GSE1: variants seen among roughly 807,000 people sequenced by gnomAD.
The protein encoded by GSE1 is genetic suppressor element 1.
A neutral mutation model predicts 112.6 loss-of-function variants in GSE1; 32 were observed. That is an observed-to-expected ratio of 0.28 (90% CI 0.21 to 0.38). The LOEUF is 0.38. Among genes scored for constraint, GSE1 ranks in the 10% least tolerant of loss-of-function variants. The probability of loss-of-function intolerance (pLI) is 1.00; values close to 1 mark genes in which losing one functional copy is unlikely to be tolerated. For missense variants in GSE1, 2,348 were observed against 1,699.2 expected (o/e 1.38, Z -6.71); for synonymous variants, 1,115 against 735.6 (o/e 1.52, Z -8.35).
chr16:85,297,008 T>C (rs558348826), intron 1 of GSE1, among the ~76,000 whole-genome samples: 28 of 152,260 alleles, frequency 1.8e-4, no homozygotes, highest in South Asian at 8.3e-4. Flanking sequence ...GGGTGTGGAC[T>C]GCATCTTTAT....
chr16:85,492,114 G>C (rs1446427728), intron 2 of GSE1, among the ~76,000 whole-genome samples: 1 of 152,216 alleles, frequency 6.6e-6, no homozygotes, highest in African/African-American at 2.4e-5. Context: ...GCGGGTGCCA[G>C]ACAGGCTTGG....
At chr16:85,626,932 T>C (rs922922337) in intron 1 of GSE1, among the ~76,000 whole-genome samples, 2 of 151,486 alleles carry the variant, frequency 1.3e-5, no homozygotes, top group Admixed American at 6.6e-5. Context: ...GCAGACCGGT[T>C]TGGGGTCTGT....
chr16:85,657,715 C>G (rs2052087769), intron 8 of GSE1, 111 bp downstream of exon 8: 1 of 691,488 alleles, frequency 1.4e-6, no homozygotes, highest in Non-Finnish European at 2.3e-6. Flanking sequence ...TTTCTGCCTG[C>G]CTCTTTCATT....
At chr16:85,230,385 C>T (rs1484565993) in intron 1 of GSE1, among the ~76,000 whole-genome samples, 4 of 152,066 alleles carry the variant, frequency 2.6e-5, no homozygotes, top group Non-Finnish European at 5.9e-5. Context: ...TTTGTGTTAC[C>T]CACGCCCCTT....
At chr16:85,375,610 G>T (rs967839359) in intron 2 of GSE1, among the ~76,000 whole-genome samples, 3 of 152,136 alleles carry the variant, frequency 2.0e-5, no homozygotes, top group Non-Finnish European at 2.9e-5. Flanking sequence ...AGGTATAGGG[G>T]AAGCTGGGGT....
At chr16:85,375,036 G>T (rs1369868001) in intron 2 of GSE1, among the ~76,000 whole-genome samples, 1 of 152,202 alleles carries the variant, frequency 6.6e-6, no homozygotes, top group East Asian at 1.9e-4. Flanking sequence ...ACTCGCTGCT[G>T]TGTGACCTGG....
At chr16:85,217,383 A>G (rs1354568865) in intron 1 of GSE1, among the ~76,000 whole-genome samples, 1 of 152,120 alleles carries the variant, frequency 6.6e-6, no homozygotes, top group Non-Finnish European at 1.5e-5. Context: ...AGAAGCCGCC[A>G]CGCCTGGGAC....
At chr16:85,176,877 TC>T (rs1367534723) in intron 1 of GSE1, among the ~76,000 whole-genome samples, 1 of 152,238 alleles carries the variant, frequency 6.6e-6, no homozygotes, top group African/African-American at 2.4e-5. Flanking sequence ...CCCACGCAGT[TC>T]CCTGCTCCTC....
chr16:85,476,161 A>C (rs2050448321), intron 2 of GSE1, among the ~76,000 whole-genome samples: 1 of 152,170 alleles, frequency 6.6e-6, no homozygotes, highest in Non-Finnish European at 1.5e-5. Flanking sequence ...CGAACTGCTG[A>C]GCTCAAGTGA....
chr16:85,264,241 G>A (rs76500090), intron 1 of GSE1, among the ~76,000 whole-genome samples: 2,978 of 152,174 alleles, frequency 0.02, 101 homozygotes, highest in African/African-American at 0.068. Context: ...TGACCCGTGG[G>A]GTGGAATATC....
intron 2 of GSE1, among the ~76,000 whole-genome samples, chr16:85,386,068 G>T (rs1021356677): frequency 2.0e-5 from 3 of 152,176 alleles, no homozygotes; most frequent in African/African-American, 7.2e-5. Context: ...CGGCGCTTCT[G>T]GTCAAGGCCT....
chr16:85,331,680 TG>T (rs2046369449), intron 1 of GSE1, among the ~76,000 whole-genome samples: 1 of 37,026 alleles, frequency 2.7e-5, no homozygotes, highest in African/African-American at 1.1e-4. Context: ...TGTGTGTGTG[TG>T]TGTGTATATA....
At chr16:85,476,572 C>T (rs1056927050) in intron 2 of GSE1, among the ~76,000 whole-genome samples, 5 of 151,902 alleles carry the variant, frequency 3.3e-5, no homozygotes, top group Non-Finnish European at 4.4e-5. Context: ...GGCCTTTGTA[C>T]GTGCTGTTCC....
intron 1 of GSE1, among the ~76,000 whole-genome samples, chr16:85,328,150 C>T (rs41498049): frequency 0.016 from 2,479 of 152,350 alleles, 71 homozygotes; most frequent in African/African-American, 0.056. Flanking sequence ...CCAGGAAGCT[C>T]GTTCTCACCA....
intron 1 of GSE1, among the ~76,000 whole-genome samples, chr16:85,241,409 C>G (rs993318563): frequency 2.6e-5 from 4 of 152,214 alleles, no homozygotes; most frequent in African/African-American, 2.4e-5. Context: ...CCCAAGTGGG[C>G]ATTGCATGGC....
chr16:85,388,924 G>A (rs1040240448), intron 2 of GSE1, among the ~76,000 whole-genome samples: 2 of 152,178 alleles, frequency 1.3e-5, no homozygotes, highest in Non-Finnish European at 2.9e-5. Flanking sequence ...GAAAATCATA[G>A]GTGTCCTGAA....
intron 4 of GSE1, 103 bp from the exon 5 acceptor site, chr16:85,654,691 C>T (rs2051753025): frequency 1.2e-6 from 1 of 803,154 alleles, no homozygotes. Flanking sequence ...AGTCTGGGTG[C>T]CGACTGAGCG....
chr16:85,420,698 C>T (rs144187172), intron 2 of GSE1, among the ~76,000 whole-genome samples: 163 of 152,334 alleles, frequency 1.1e-3, no homozygotes, highest in African/African-American at 3.8e-3. Context: ...ACCTGTGATC[C>T]GTCAGCACTC....
chr16:85,516,518 C>T (rs918646070), intron 2 of GSE1, among the ~76,000 whole-genome samples: 21 of 140,232 alleles, frequency 1.5e-4, no homozygotes, highest in African/African-American at 4.6e-4. Flanking sequence ...CCCAGGAGGT[C>T]GAGTTTGCAC....
Sources: allele counts gnomAD v4.1 joint callset (sites outside exome capture counted in the v4.1 genomes callset), GRCh38; gene constraint gnomAD v4.1.1; transcripts MANE v1.5; gene names NCBI Gene and HGNC (gene_info 2026-07-23, HGNC 2026-07-21).